Variants in MYOCD observed in about 807,000 individuals in gnomAD.
The protein encoded by MYOCD is myocardin.
In MYOCD, 32 loss-of-function variants were observed where a neutral mutation model predicts 96.1. The observed-to-expected ratio is 0.33, with a 90% CI of 0.25 to 0.45. The LOEUF is 0.45. Among genes scored for constraint, MYOCD ranks in the 20% least tolerant of loss-of-function variants. The pLI is 1.00. For synonymous variants in MYOCD, 469 were observed against 469.0 expected, an observed-to-expected ratio of 1.00 and a Z score of 0.00; for missense variants, 1,133 against 1,200.6, an observed-to-expected ratio of 0.94 and a Z score of 0.83.
intron 2 of MYOCD, among the ~76,000 whole-genome samples, chr17:12,714,780 G>A (rs1479556588): frequency 6.6e-6 from 1 of 152,140 alleles, no homozygotes; most frequent in Non-Finnish European, 1.5e-5. Flanking sequence ...TGTGTGTTCT[G>A]TATGACTGAC....
At chr17:12,708,418 G>A (rs1016599373) in intron 2 of MYOCD, among the ~76,000 whole-genome samples, 2 of 150,640 alleles carry the variant, frequency 1.3e-5, no homozygotes, top group African/African-American at 4.9e-5. Flanking sequence ...TTTTGAGACA[G>A]AGTCTCACTG....
At chr17:12,668,326 A>G (rs912233323) in intron 1 of MYOCD, among the ~76,000 whole-genome samples, 2 of 152,224 alleles carry the variant, frequency 1.3e-5, no homozygotes, top group African/African-American at 4.8e-5. Flanking sequence ...CTCACTGCGA[A>G]TATTTGCTTT....
chr17:12,743,486 CTTT>C (rs373893604), intron 7 of MYOCD, among the ~76,000 whole-genome samples: 5,359 of 98,076 alleles, frequency 0.055, 155 homozygotes, highest in African/African-American at 0.17. Flanking sequence ...TATGAAAGTT[CTTT>C]TTTTTTTTTT....
At chr17:12,683,219 TCAGTCTGGCTTGAGGGATGCC>T (rs2029895407) in intron 1 of MYOCD, among the ~76,000 whole-genome samples, 1 of 152,156 alleles carries the variant, frequency 6.6e-6, no homozygotes. Context: ...AGGGAAAAGT[TCAGTCTGGCTTGAGGGATGCC>T]CATCCTCAGA....
intron 2 of MYOCD, among the ~76,000 whole-genome samples, chr17:12,709,567 A>G (rs972483891): frequency 1.3e-5 from 2 of 151,638 alleles, no homozygotes; most frequent in East Asian, 1.9e-4. Context: ...TTAATAAAAT[A>G]GTCTCTCAAA....
At chr17:12,707,428 G>A (rs2031328952) in intron 2 of MYOCD, among the ~76,000 whole-genome samples, 1 of 151,826 alleles carries the variant, frequency 6.6e-6, no homozygotes, top group Admixed American at 6.6e-5. Context: ...GAAGCAGGCT[G>A]GGCACGGTGA....
Position 12,758,118 on chromosome 17 carries a change from C to T in MYOCD, c.2236C>T (p.Pro746Ser). ...TTTACACTCTTCTGATAAGGTGGGG[C>T]CAAAGTTTTCAATTCCATCCCCAAC... ...AGLHSSDKVG[P>S]KFSIPSPTFS... Residue 746 changes from proline (P) to serine (S), a missense_variant, in exon 12 of 14, where the codon CCA becomes TCA. Coordinates refer to ENST00000425538, the MANE Select transcript of MYOCD (RefSeq NM_001146312.3). 1 of 1,614,084 alleles carries T rather than the reference C, an allele frequency of 6.2e-7. No homozygotes were observed. Among genetic ancestry groups the T allele is most frequent in the Non-Finnish European group, 8.5e-7 (1 of 1,179,996 alleles).
At position 12,717,342 on chromosome 17, in the gene MYOCD, A is replaced by G. The variant is rs1207537415; in HGVS notation, c.178-4A>G. On this transcript the variant is annotated splice_polypyrimidine_tract_variant and splice_region_variant and intron_variant, in intron 3 of 13. Coordinates refer to ENST00000425538, the MANE Select transcript of MYOCD (RefSeq NM_001146312.3). ...AGGTGATTTCTCTTGTTTGGGTTCTACAGGCTAAAAATTCCCTGAAGCGCA... is the reference window on the plus strand; with the variant it reads ...AGGTGATTTCTCTTGTTTGGGTTCTGCAGGCTAAAAATTCCCTGAAGCGCA... The G allele has an allele frequency of 1.1e-5, 18 of 1,613,252 alleles. 1 individual carries two copies. The highest frequency in any genetic ancestry group is 5.0e-5 in the Admixed American group (3 of 59,970).
intron 5 of MYOCD, among the ~76,000 whole-genome samples, chr17:12,725,376 G>T (rs2031966084): frequency 6.7e-6 from 1 of 148,626 alleles, no homozygotes; most frequent in Non-Finnish European, 1.5e-5. Flanking sequence ...TTTTATTTAT[G>T]AATATAGTAT....
intron 1 of MYOCD, among the ~76,000 whole-genome samples, chr17:12,668,031 A>C (rs1909471645): frequency 6.6e-6 from 1 of 152,218 alleles, no homozygotes; most frequent in Non-Finnish European, 1.5e-5. Flanking sequence ...GAAAAAAAAC[A>C]AGTGGAATGT....
intron 10 of MYOCD, among the ~76,000 whole-genome samples, chr17:12,754,129 G>T (rs1035799278): frequency 6.3e-4 from 96 of 151,336 alleles, no homozygotes; most frequent in Middle Eastern, 3.5e-3. Flanking sequence ...TTTTGAGATA[G>T]AGTCTCGCTC....
At chr17:12,713,912 A>G (rs1597772310) in intron 2 of MYOCD, among the ~76,000 whole-genome samples, 1 of 152,234 alleles carries the variant, frequency 6.6e-6, no homozygotes, top group Admixed American at 6.5e-5. Context: ...GAGGTTTTGC[A>G]GAGAAGCTCA....
At chr17:12,753,922 G>A (rs1597810519) in intron 10 of MYOCD, among the ~76,000 whole-genome samples, 1 of 152,126 alleles carries the variant, frequency 6.6e-6, no homozygotes, top group East Asian at 1.9e-4. Context: ...TCTCATCTCT[G>A]GGACTTAGTG....
intron 1 of MYOCD, among the ~76,000 whole-genome samples, chr17:12,676,602 A>G (rs1429506889): frequency 6.6e-6 from 1 of 151,984 alleles, no homozygotes; most frequent in Non-Finnish European, 1.5e-5. Flanking sequence ...CCATATTTGC[A>G]TAGCAGCTAA....
intron 10 of MYOCD, among the ~76,000 whole-genome samples, chr17:12,755,008 A>G (rs751990484): frequency 1.3e-5 from 2 of 152,210 alleles, no homozygotes; most frequent in Admixed American, 6.5e-5. Flanking sequence ...CTCCACCCCA[A>G]GAATGTGAAG....
chr17:12,681,564 G>C (rs1026311010), intron 1 of MYOCD, among the ~76,000 whole-genome samples: 1 of 152,140 alleles, frequency 6.6e-6, no homozygotes, highest in Non-Finnish European at 1.5e-5. Flanking sequence ...GAGCCTTTTG[G>C]CTTTCAGTAT....
At chr17:12,756,695 C>CAAAAAAAAAAAAAAAAA (rs11307445) in intron 11 of MYOCD, 138 bp downstream of exon 11, 52 of 142,178 alleles carry the variant, frequency 3.7e-4, no homozygotes, top group Non-Finnish European at 4.5e-4. Context: ...GACTGCATCT[C>CAAAAAAAAAAAAAAAAA]AAAAAAAAAA....
At chr17:12,742,063 C>T (rs1324377390) in intron 7 of MYOCD, among the ~76,000 whole-genome samples, 1 of 152,122 alleles carries the variant, frequency 6.6e-6, no homozygotes, top group Non-Finnish European at 1.5e-5. Context: ...CCTGCCAGGG[C>T]TGCAGCTCCC....
At chr17:12,702,914 G>A (rs1368489283) in intron 1 of MYOCD, among the ~76,000 whole-genome samples, 1 of 151,850 alleles carries the variant, frequency 6.6e-6, no homozygotes, top group East Asian at 1.9e-4. Flanking sequence ...TGTTTAAGAA[G>A]AAATATAAAT....
Sources: gnomAD v4.1 joint callset for allele counts (sites outside exome capture counted in the v4.1 genomes callset) on GRCh38, gnomAD v4.1.1 for gene constraint, MANE v1.5 for transcripts, NCBI Gene and HGNC (gene_info 2026-07-23, HGNC 2026-07-21) for gene names.